EXOC6B: variants seen among roughly 807,000 people sequenced by gnomAD.
EXOC6B encodes the protein SEC15 homolog B.
Under a neutral mutation model 113.5 loss-of-function variants are expected in EXOC6B, and 54 were observed. The observed-to-expected ratio is 0.48, with a 90% CI of 0.38 to 0.60. The LOEUF is 0.60. Ranked by LOEUF, EXOC6B falls within the 20% of genes least tolerant of loss-of-function variation. EXOC6B has a pLI of 0.00. For synonymous variants in EXOC6B, 357 were observed against 339.0 expected (o/e 1.05, Z -0.58); for missense variants, 797 against 977.5 (o/e 0.82, Z 2.46).
At chr2:72,642,186 G>A (rs1389200888) in intron 6 of EXOC6B, among the ~76,000 whole-genome samples, 4 of 151,690 alleles carry the variant, frequency 2.6e-5, no homozygotes, top group East Asian at 1.9e-4. Flanking sequence ...TGGCCATACT[G>A]CCCAAGGTAA....
In EXOC6B at chr2:72,202,896, G is replaced by A. The variant is rs148813093; in HGVS notation, c.2197-18709C>T. Among the ~76,000 whole-genome samples, 574 of 152,304 alleles carry A rather than the reference G, an allele frequency of 3.8e-3. 7 individuals carry two copies. The highest frequency in any genetic ancestry group is 0.019 in the Admixed American group (297 of 15,292). On this transcript the variant is annotated intron_variant, in intron 20 of 21. Transcript: ENST00000272427. ...CACTGAGCCGGGGACAGAGGGTAGG[G>A]AGTTTAGGAATCCTGAAAGTCACAC...
chr2:72,481,275 T>C (rs954863825), intron 16 of EXOC6B, among the ~76,000 whole-genome samples: 4 of 152,232 alleles, frequency 2.6e-5, no homozygotes, highest in African/African-American at 9.6e-5. Flanking sequence ...CAGTTCTTTA[T>C]AGCAGTATGA....
chr2:72,792,209 A>G (rs956037627), intron 1 of EXOC6B, among the ~76,000 whole-genome samples: 1 of 152,182 alleles, frequency 6.6e-6, no homozygotes, highest in Non-Finnish European at 1.5e-5. Flanking sequence ...AGCACAGTGA[A>G]AAAAATCTTT....
chr2:72,736,742 C>T (rs1038950971), intron 2 of EXOC6B, among the ~76,000 whole-genome samples: 4 of 152,158 alleles, frequency 2.6e-5, no homozygotes, highest in African/African-American at 7.2e-5. Flanking sequence ...TTCTACCACA[C>T]GACTACTTCG....
intron 1 of EXOC6B, among the ~76,000 whole-genome samples, chr2:72,785,584 T>TG (rs1684330703): frequency 6.6e-6 from 1 of 152,242 alleles, no homozygotes; most frequent in Non-Finnish European, 1.5e-5. Context: ...TGCCAAGGCT[T>TG]GGGGCTTGCA....
chr2:72,486,466 T>C (rs1699427337), intron 16 of EXOC6B, among the ~76,000 whole-genome samples: 1 of 152,156 alleles, frequency 6.6e-6, no homozygotes, highest in African/African-American at 2.4e-5. Flanking sequence ...TGCTACCAAA[T>C]AATCACATTA....
intron 18 of EXOC6B, among the ~76,000 whole-genome samples, chr2:72,436,454 G>C (rs1573114916): frequency 2.6e-5 from 4 of 152,132 alleles, no homozygotes; most frequent in Admixed American, 1.3e-4. Flanking sequence ...TGTCTTGCTA[G>C]GTTGGGGAAG....
At chr2:72,381,406 T>G (rs1395566166) in intron 18 of EXOC6B, among the ~76,000 whole-genome samples, 1 of 152,138 alleles carries the variant, frequency 6.6e-6, no homozygotes, top group Admixed American at 6.6e-5. Context: ...TTTTGGCTAT[T>G]ATAAACAGAG....
intron 6 of EXOC6B, among the ~76,000 whole-genome samples, chr2:72,709,819 A>T (rs1159881887): frequency 6.6e-6 from 1 of 152,172 alleles, no homozygotes; most frequent in East Asian, 1.9e-4. Context: ...ATGAGAACCA[A>T]TATAGGGTTT....
At chr2:72,517,881 T>G (rs373780953) in intron 8 of EXOC6B, among the ~76,000 whole-genome samples, 13 of 152,308 alleles carry the variant, frequency 8.5e-5, no homozygotes, top group African/African-American at 2.4e-4. Flanking sequence ...AATTCTAAAC[T>G]GGGTGTAGCT....
At chr2:72,477,882 T>C (rs557746504) in intron 17 of EXOC6B, among the ~76,000 whole-genome samples, 4 of 152,308 alleles carry the variant, frequency 2.6e-5, no homozygotes, top group East Asian at 3.9e-4. Flanking sequence ...TATTTTTTTT[T>C]CCCTAGTTCT....
chr2:72,188,126 G>A (rs1678567955), intron 20 of EXOC6B, among the ~76,000 whole-genome samples: 1 of 152,104 alleles, frequency 6.6e-6, no homozygotes, highest in African/African-American at 2.4e-5. Context: ...TTGGGTGGCT[G>A]CAGTTGTGCC....
intron 11 of EXOC6B, among the ~76,000 whole-genome samples, chr2:72,509,890 G>C (rs1558745770): frequency 6.6e-6 from 1 of 151,986 alleles, no homozygotes; most frequent in African/African-American, 2.4e-5. Flanking sequence ...CTGGAGTGCA[G>C]TGGCACTGTC....
intron 7 of EXOC6B, among the ~76,000 whole-genome samples, chr2:72,564,935 C>T (rs983407681): frequency 1.3e-5 from 2 of 152,182 alleles, no homozygotes; most frequent in Non-Finnish European, 2.9e-5. Context: ...TTATTAATTA[C>T]TCAAGTGTTT....
intron 1 of EXOC6B, among the ~76,000 whole-genome samples, chr2:72,792,131 G>A (rs1440590701): frequency 2.0e-5 from 3 of 152,306 alleles, no homozygotes; most frequent in African/African-American, 7.2e-5. Context: ...TTACTTCTAA[G>A]AGCATTCTGA....
At chr2:72,617,137 C>T (rs188669365) in intron 6 of EXOC6B, among the ~76,000 whole-genome samples, 3 of 152,352 alleles carry the variant, frequency 2.0e-5, no homozygotes, top group East Asian at 3.9e-4. Context: ...ATCCAGGTCA[C>T]TCTAATGCCA....
chr2:72,488,550 A>G (rs868603731), intron 16 of EXOC6B, among the ~76,000 whole-genome samples: 19 of 152,274 alleles, frequency 1.2e-4, no homozygotes, highest in African/African-American at 4.3e-4. Context: ...CTCACAGCAA[A>G]TTTAGCTCTG....
chr2:72,590,513 A>C (rs1329740529), intron 6 of EXOC6B, among the ~76,000 whole-genome samples: 1 of 152,004 alleles, frequency 6.6e-6, no homozygotes, highest in African/African-American at 2.4e-5. Flanking sequence ...AAAACTAAGG[A>C]TCTAAAGCCT....
chr2:72,443,274 G>T (rs1696335369), intron 18 of EXOC6B, among the ~76,000 whole-genome samples: 2 of 146,902 alleles, frequency 1.4e-5, no homozygotes, highest in Admixed American at 6.9e-5. Context: ...AGTGAGCCAA[G>T]ATCGCGCCAC....
Sources: gnomAD v4.1 joint callset for allele counts (sites outside exome capture counted in the v4.1 genomes callset) on GRCh38, gnomAD v4.1.1 for gene constraint, MANE v1.5 for transcripts, NCBI Gene and HGNC (gene_info 2026-07-23, HGNC 2026-07-21) for gene names.